ACVR1: variants seen among roughly 807,000 people sequenced by gnomAD.
ACVR1 encodes the protein activin receptor type-1.
ACVR1 carries 38 observed loss-of-function variants against 57.1 expected under a neutral mutation model. The observed-to-expected ratio is 0.67, with a 90% confidence interval of 0.51 to 0.87. The LOEUF is 0.87. Ranked by LOEUF, ACVR1 falls within the 40% of genes least tolerant of loss-of-function variation. The pLI is 0.00. For synonymous variants in ACVR1, 212 were observed against 228.1 expected, an observed-to-expected ratio of 0.93 and a Z score of 0.63; for missense variants, 463 against 638.2, an observed-to-expected ratio of 0.73 and a Z score of 2.96.
chr2:157,809,942 G>A (rs190363301), intron 2 of ACVR1, among the ~76,000 whole-genome samples: 2 of 152,156 alleles, frequency 1.3e-5, no homozygotes, highest in African/African-American at 4.8e-5. Context: ...CAAGCGTGTT[G>A]GTGTGGGCCT....
chr2:157,801,974 G>A (rs1266852194), intron 2 of ACVR1, among the ~76,000 whole-genome samples: 7 of 152,098 alleles, frequency 4.6e-5, no homozygotes, highest in East Asian at 1.9e-4. Context: ...CCTTGCTATC[G>A]TGGCACTTAC....
intron 1 of ACVR1, among the ~76,000 whole-genome samples, chr2:157,833,135 G>A (rs1470054068): frequency 6.6e-6 from 1 of 152,124 alleles, no homozygotes; most frequent in Non-Finnish European, 1.5e-5. Flanking sequence ...CTAGCAAATT[G>A]TCAGCCCTAT....
At chr2:157,763,905 A>G (rs1214389548) in intron 8 of ACVR1, among the ~76,000 whole-genome samples, 1 of 152,146 alleles carries the variant, frequency 6.6e-6, no homozygotes, top group African/African-American at 2.4e-5. Context: ...ACAAACCCAT[A>G]TATCTAATTG....
At chr2:157,810,529 A>T (rs941557461) in intron 2 of ACVR1, among the ~76,000 whole-genome samples, 3 of 152,204 alleles carry the variant, frequency 2.0e-5, no homozygotes, top group African/African-American at 7.2e-5. Context: ...TAACAAGTGA[A>T]AGAAACATCT....
At chr2:157,801,372 T>A (rs1687322495) in intron 2 of ACVR1, among the ~76,000 whole-genome samples, 1 of 152,164 alleles carries the variant, frequency 6.6e-6, no homozygotes, top group African/African-American at 2.4e-5. Context: ...CCTTCCCAAA[T>A]GACAAGTGTT....
At chr2:157,811,443 T>C (rs970499324) in intron 2 of ACVR1, among the ~76,000 whole-genome samples, 7 of 152,216 alleles carry the variant, frequency 4.6e-5, no homozygotes, top group African/African-American at 1.4e-4. Context: ...AAAATTAATA[T>C]TTAAATTTTT....
At chr2:157,805,820 CTTTTTTTT>C (rs1222482675) in intron 2 of ACVR1, among the ~76,000 whole-genome samples, 4 of 30,184 alleles carry the variant, frequency 1.3e-4, no homozygotes, top group South Asian at 2.2e-3. Context: ...TTTCTTTTTT[CTTTTTTTT>C]TTTTTTTTTT....
chr2:157,811,282 G>A (rs879661072), intron 2 of ACVR1, among the ~76,000 whole-genome samples: 16 of 152,054 alleles, frequency 1.1e-4, no homozygotes, highest in African/African-American at 2.4e-4. Context: ...GATGTTACTC[G>A]TTTTCTTAGA....
At chr2:157,772,969 G>T (rs189564589) in intron 6 of ACVR1, among the ~76,000 whole-genome samples, 1 of 152,148 alleles carries the variant, frequency 6.6e-6, no homozygotes, top group Non-Finnish European at 1.5e-5. Flanking sequence ...CAGACTGGGG[G>T]TGTCCCTCTT....
chr2:157,825,499 G>T (rs1282175466), intron 1 of ACVR1, among the ~76,000 whole-genome samples: 1 of 152,164 alleles, frequency 6.6e-6, no homozygotes, highest in Non-Finnish European at 1.5e-5. Flanking sequence ...TGGCAAGTGA[G>T]CATTAGGCCT....
chr2:157,816,969 T>C (rs1010179560), intron 2 of ACVR1, among the ~76,000 whole-genome samples: 1 of 152,166 alleles, frequency 6.6e-6, no homozygotes, highest in Non-Finnish European at 1.5e-5. Flanking sequence ...AGACATTTTT[T>C]TTTTTTTTGA....
At chr2:157,831,680 T>G (rs1162143641) in intron 1 of ACVR1, among the ~76,000 whole-genome samples, 1 of 152,242 alleles carries the variant, frequency 6.6e-6, no homozygotes, top group Non-Finnish European at 1.5e-5. Flanking sequence ...TGGTGTCTAC[T>G]CTGTGCCCAC....
intron 9 of ACVR1, among the ~76,000 whole-genome samples, chr2:157,739,481 G>A (rs1684667075): frequency 6.6e-6 from 1 of 152,162 alleles, no homozygotes; most frequent in Admixed American, 6.5e-5. Context: ...CCCCTTCATA[G>A]AAATAAAACC....
chr2:157,754,932 C>A (rs1685359735), intron 9 of ACVR1, among the ~76,000 whole-genome samples: 1 of 152,092 alleles, frequency 6.6e-6, no homozygotes, highest in Non-Finnish European at 1.5e-5. Flanking sequence ...GGTTTCATAC[C>A]AGGGATGCAG....
chr2:157,819,972 C>T lies in ACVR1; in HGVS notation c.-182-1413G>A, dbSNP rs73966131. Among the ~76,000 whole-genome samples the T allele has an allele frequency of 6.6e-3, 1,006 of 152,074 alleles. 21 individuals carry two copies. Among genetic ancestry groups the T allele is most frequent in the African/African-American group, 0.023 (968 of 41,450 alleles). ...GAACATTTTGCCAAGAAAACCTTCA[C>T]GTAAATAAATCTAACCAGAAAACAA... On this transcript the variant is annotated intron_variant, in intron 1 of 10. Coordinates refer to ENST00000434821, the MANE Select transcript of ACVR1 (RefSeq NM_001111067.4).
At chr2:157,781,284 G>T (rs75462918) in intron 3 of ACVR1, among the ~76,000 whole-genome samples, 6,762 of 152,216 alleles carry the variant, frequency 0.044, 557 homozygotes, top group African/African-American at 0.15. Flanking sequence ...TTTCTATTGA[G>T]CATTGGGTCA....
At chr2:157,799,620 T>C (rs1687252187) in intron 2 of ACVR1, 120 bp from the exon 3 acceptor site, 2 of 740,974 alleles carry the variant, frequency 2.7e-6, no homozygotes, top group Non-Finnish European at 4.9e-6. Context: ...CCCTCAGATA[T>C]ATTGCCTTAC....
At chr2:157,872,948 T>C (rs1435955620) in intron 1 of ACVR1, among the ~76,000 whole-genome samples, 1 of 152,172 alleles carries the variant, frequency 6.6e-6, no homozygotes, top group Non-Finnish European at 1.5e-5. Flanking sequence ...CACATAATCA[T>C]TATTCTGAAG....
intron 1 of ACVR1, among the ~76,000 whole-genome samples, chr2:157,827,866 C>A (rs1489622311): frequency 6.6e-6 from 1 of 152,158 alleles, no homozygotes; most frequent in Non-Finnish European, 1.5e-5. Context: ...TTCTCACTCA[C>A]CCTTCTCTGT....
Sources: gnomAD v4.1 joint callset for allele counts (sites outside exome capture counted in the v4.1 genomes callset) on GRCh38, gnomAD v4.1.1 for gene constraint, MANE v1.5 for transcripts, NCBI Gene and HGNC (gene_info 2026-07-23, HGNC 2026-07-21) for gene names.